IQCK: variants seen among roughly 807,000 people sequenced by gnomAD.
IQCK encodes the protein IQ motif containing K.
Under a neutral mutation model 28.1 loss-of-function variants are expected in IQCK, and 29 were observed. That is an observed-to-expected ratio of 1.03 (90% CI 0.77 to 1.41). The LOEUF (loss-of-function observed/expected upper bound fraction) is 1.41, where lower values mean the gene tolerates loss of function less well. IQCK is among the 40% of genes most tolerant of loss of function. The probability of loss-of-function intolerance (pLI) is 0.00; values close to 1 mark genes in which losing one functional copy is unlikely to be tolerated. For missense variants in IQCK, 359 were observed against 314.7 expected (o/e 1.14, Z -1.07); for synonymous variants, 113 against 115.1 (o/e 0.98, Z 0.12).
intron 4 of IQCK, among the ~76,000 whole-genome samples, chr16:19,739,020 C>T (rs927652618): frequency 6.6e-6 from 1 of 152,186 alleles, no homozygotes. Context: ...CTGCAGACCC[C>T]TTTTGGATCC....
chr16:19,808,505 G>GT lies in IQCK; in HGVS notation c.691-18520dup, dbSNP rs767818296. On this transcript the variant is annotated intron_variant, in intron 7 of 7. Coordinates refer to ENST00000564186, the Ensembl canonical transcript of IQCK. ...CCTGCCTCTCTTGCCATGTGACCTT[G>GT]TATGAGTATTTCACTTCTCAGAGCC... Among the ~76,000 whole-genome samples the GT allele has an allele frequency of 1.8e-4, 27 of 152,250 alleles. No homozygotes were observed. The East Asian group carries it at 5.0e-3, about 28-fold the overall frequency.
At chr16:19,760,289 T>C (rs1315604048) in intron 4 of IQCK, among the ~76,000 whole-genome samples, 1 of 152,188 alleles carries the variant, frequency 6.6e-6, no homozygotes, top group Non-Finnish European at 1.5e-5. Context: ...GCAAACTGGC[T>C]TAAGTGCAAA....
chr16:19,835,761 T>A (rs1313046967), intron 9 of IQCK, among the ~76,000 whole-genome samples: 2 of 152,042 alleles, frequency 1.3e-5, no homozygotes, highest in Non-Finnish European at 2.9e-5. Context: ...ATTTTTGTAT[T>A]TTTAGTAGAG....
chr16:19,838,461 C>T lies in IQCK; in HGVS notation c.802+11324C>T, dbSNP rs545994695. ...TATTCTGGAAGGAGGCTCCTCCTGTCACTACATTTGAACCTGTCACACCCA... is the reference window on the plus strand; with the variant it reads ...TATTCTGGAAGGAGGCTCCTCCTGTTACTACATTTGAACCTGTCACACCCA... On this transcript the variant is annotated intron_variant, in intron 9 of 9. Transcript: ENST00000320394. Among the ~76,000 whole-genome samples, 5 of 152,278 alleles carry T rather than the reference C, an allele frequency of 3.3e-5. No individual in the cohort carries two copies. The South Asian group carries it at 1.0e-3, about 32-fold the overall frequency.
downstream of IQCK, among the ~76,000 whole-genome samples, chr16:19,827,371 T>C (rs2141091846): frequency 6.6e-6 from 1 of 152,280 alleles, no homozygotes; most frequent in Non-Finnish European, 1.5e-5. Context: ...TCTCCCTGTG[T>C]CTGCAGTTTC....
intron 7 of IQCK, among the ~76,000 whole-genome samples, chr16:19,811,142 G>C (rs928843726): frequency 2.6e-5 from 4 of 152,078 alleles, no homozygotes; most frequent in African/African-American, 4.8e-5. Context: ...AAATCAGCCA[G>C]GTGTAGTGGT....
At chr16:19,852,772 G>A (rs972435282) in intron 9 of IQCK, among the ~76,000 whole-genome samples, 29 of 151,930 alleles carry the variant, frequency 1.9e-4, no homozygotes, top group South Asian at 4.2e-4. Context: ...ACAGGTGCCC[G>A]CCACCATGCC....
chr16:19,782,419 G>A (rs967914287), intron 6 of IQCK, among the ~76,000 whole-genome samples: 1 of 151,614 alleles, frequency 6.6e-6, no homozygotes, highest in African/African-American at 2.4e-5. Context: ...GAAGAGCCTG[G>A]GCACAACCTG....
At chr16:19,725,277 G>C (rs553442803) in intron 1 of IQCK, among the ~76,000 whole-genome samples, 1 of 152,144 alleles carries the variant, frequency 6.6e-6, no homozygotes, top group African/African-American at 2.4e-5. Flanking sequence ...GCTTACTACA[G>C]CCTCAACCTC....
At chr16:19,820,322 G>C (rs1330514040) in intron 7 of IQCK, among the ~76,000 whole-genome samples, 1 of 152,112 alleles carries the variant, frequency 6.6e-6, no homozygotes, top group Non-Finnish European at 1.5e-5. Context: ...TTCGAGACCA[G>C]CCTGGCCAAC....
At chr16:19,743,385 G>A (rs1415257410) in intron 4 of IQCK, among the ~76,000 whole-genome samples, 1 of 152,240 alleles carries the variant, frequency 6.6e-6, no homozygotes, top group African/African-American at 2.4e-5. Context: ...GCTCCCTGGA[G>A]CTGGAGCTGG....
intron 4 of IQCK, among the ~76,000 whole-genome samples, chr16:19,741,239 GT>G (rs1567538591): frequency 6.6e-6 from 1 of 152,112 alleles, no homozygotes; most frequent in African/African-American, 2.4e-5. Context: ...CAGTGGATCT[GT>G]AGCTGGGGAT....
chr16:19,807,042 G>A (rs1002396333), intron 7 of IQCK, among the ~76,000 whole-genome samples: 2 of 152,226 alleles, frequency 1.3e-5, no homozygotes, highest in Admixed American at 6.5e-5. Context: ...CCACATCCAA[G>A]ATTAGGTTAT....
At chr16:19,803,451 G>A (rs1169175612) in intron 7 of IQCK, among the ~76,000 whole-genome samples, 2 of 152,022 alleles carry the variant, frequency 1.3e-5, no homozygotes, top group South Asian at 2.1e-4. Context: ...CCAGAGATGG[G>A]TATTGTTTAA....
chr16:19,770,927 T>C (rs1053617940), intron 6 of IQCK, among the ~76,000 whole-genome samples: 1 of 152,168 alleles, frequency 6.6e-6, no homozygotes, highest in African/African-American at 2.4e-5. Context: ...CTGGCCTCTC[T>C]GACTCTCTTT....
intron 9 of IQCK, among the ~76,000 whole-genome samples, chr16:19,855,310 G>T (rs545093674): frequency 6.6e-6 from 1 of 152,266 alleles, no homozygotes; most frequent in East Asian, 1.9e-4. Context: ...ATAACCACAG[G>T]GCCAGGCGCA....
At chr16:19,775,308 G>A (rs115333112) in intron 6 of IQCK, among the ~76,000 whole-genome samples, 4,664 of 151,690 alleles carry the variant, frequency 0.031, 224 homozygotes, top group African/African-American at 0.11. Context: ...CATAAAATAG[G>A]ACACATGACT....
intron 4 of IQCK, 81 bp downstream of exon 4, chr16:19,735,531 C>T (rs781134722): frequency 1.7e-4 from 196 of 1,183,942 alleles, no homozygotes; most frequent in Non-Finnish European, 2.3e-4. Context: ...TATCTTGGTA[C>T]CATCAGGTTG....
In IQCK at chr16:19,851,819, A is replaced by G. The variant is rs1033578774; in HGVS notation, c.803-4668A>G. ...AGCTAAGGTGGAAGCTGCATTCTAC[A>G]GCATCCTGGCTTACTTCTTCTCTCC... On this transcript the variant is annotated intron_variant, in intron 9 of 9. Coordinates refer to the IQCK transcript ENST00000320394. 2.0e-5 allele frequency among the ~76,000 whole-genome samples: 3 copies of G among 152,120 alleles called. No homozygotes were observed. In the South Asian group the frequency reaches 6.2e-4, roughly 32 times the overall value.
Sources: gnomAD v4.1 joint callset for allele counts (sites outside exome capture counted in the v4.1 genomes callset) on GRCh38, gnomAD v4.1.1 for gene constraint, MANE v1.5 for transcripts, NCBI Gene and HGNC (gene_info 2026-07-23, HGNC 2026-07-21) for gene names.